LNPEP: variants seen among roughly 807,000 people sequenced by gnomAD.
LNPEP encodes the protein leucyl-cystinyl aminopeptidase.
A neutral mutation model predicts 120.6 loss-of-function variants in LNPEP; 64 were observed. The observed-to-expected ratio is 0.53, with a 90% confidence interval of 0.43 to 0.65. The LOEUF is 0.65. Among genes scored for constraint, LNPEP ranks in the 30% least tolerant of loss-of-function variants. The pLI is 0.00. For synonymous variants in LNPEP, 435 were observed against 425.4 expected, an observed-to-expected ratio of 1.02 and a Z score of -0.28; for missense variants, 1,057 against 1,200.0, an observed-to-expected ratio of 0.88 and a Z score of 1.76.
chr5:97,014,609 A>G (rs1327792201), intron 12 of LNPEP, among the ~76,000 whole-genome samples: 2 of 152,182 alleles, frequency 1.3e-5, no homozygotes, highest in Admixed American at 6.6e-5. Flanking sequence ...CCTGGCAAAT[A>G]TAACTAATTA....
intron 1 of LNPEP, among the ~76,000 whole-genome samples, chr5:96,953,678 G>A (rs567561687): frequency 6.6e-6 from 1 of 152,140 alleles, no homozygotes; most frequent in African/African-American, 2.4e-5. Flanking sequence ...ATTTTCATGT[G>A]TTATCTTGGC....
At chr5:97,000,862 C>G (rs774488855) in intron 8 of LNPEP, among the ~76,000 whole-genome samples, 3 of 152,084 alleles carry the variant, frequency 2.0e-5, no homozygotes, top group Non-Finnish European at 4.4e-5. Flanking sequence ...TGGGGACCCC[C>G]ACATGAGATA....
intron 4 of LNPEP, among the ~76,000 whole-genome samples, chr5:96,987,954 A>G (rs1322378803): frequency 6.6e-6 from 1 of 152,230 alleles, no homozygotes; most frequent in African/African-American, 2.4e-5. Context: ...GCTGAATACT[A>G]CGTTCTCCAT....
chr5:97,015,091 T>C lies in LNPEP; in HGVS notation c.2372T>C (p.Leu791Pro). Reference protein sequence around the residue: ...KLGYMDLASRLVTRVFKLLQN... With the variant: ...KLGYMDLASRPVTRVFKLLQN... ...GGATACATGGATCTGGCCTCAAGAC[T>C]GGTGGTAAGTCTGCCTTTTTGCCAG... The change falls in exon 13 of 18, where the codon CTG (leucine) becomes CCG (proline). Residue 791 changes from leucine (L) to proline (P), a missense_variant. Coordinates refer to ENST00000231368, the MANE Select transcript of LNPEP (RefSeq NM_005575.3). The C allele has an allele frequency of 6.5e-7, 1 of 1,546,478 alleles. No homozygotes were observed. Among genetic ancestry groups the C allele is most frequent in the Non-Finnish European group, 8.7e-7 (1 of 1,150,228 alleles).
chr5:97,013,631 T>A lies in LNPEP; in HGVS notation c.2036-17T>A, dbSNP rs781356811. ...TTGTCTTCTCTCTCAATCTCTCATT[T>A]TTTTGGTTTCCATTAGGTGTCATCA... On this transcript the variant is annotated splice_polypyrimidine_tract_variant and intron_variant, in intron 11 of 17. Coordinates refer to ENST00000231368, the MANE Select transcript of LNPEP (RefSeq NM_005575.3). 2.8e-6 allele frequency: 4 copies of A among 1,409,220 alleles called. No homozygotes were observed. The highest frequency in any genetic ancestry group is 3.8e-6 in the Non-Finnish European group (4 of 1,065,046). 87.3% of individuals were successfully genotyped at this position (1,409,220 alleles called of 1,614,324 possible).
chr5:96,949,862 A>G (rs1789283631), intron 1 of LNPEP, among the ~76,000 whole-genome samples: 1 of 151,858 alleles, frequency 6.6e-6, no homozygotes, highest in Non-Finnish European at 1.5e-5. Context: ...AACATTTAAC[A>G]GTTTTGTTTG....
intron 11 of LNPEP, among the ~76,000 whole-genome samples, chr5:97,009,154 C>T (rs1170265910): frequency 1.3e-5 from 2 of 152,172 alleles, no homozygotes; most frequent in Admixed American, 6.5e-5. Context: ...TATTTTCTCT[C>T]CTTAAGGAAC....
At chr5:96,988,339 C>CTTTTTTT (rs201343272) in intron 4 of LNPEP, among the ~76,000 whole-genome samples, 33 of 125,224 alleles carry the variant, frequency 2.6e-4, no homozygotes, top group African/African-American at 4.0e-4. Flanking sequence ...TTTTTCTTTT[C>CTTTTTTT]TTTTTTTTTT....
chr5:96,978,840 G>T (rs1244831491), intron 1 of LNPEP, among the ~76,000 whole-genome samples: 1 of 152,178 alleles, frequency 6.6e-6, no homozygotes, highest in East Asian at 1.9e-4. Flanking sequence ...TGTGGGGCAG[G>T]AGTATATTAA....
At position 96,979,292 on chromosome 5, in the gene LNPEP, T is replaced by G. The variant is rs376381080; in HGVS notation, c.174T>G (p.Leu58=). 6 of 1,613,822 alleles carry G rather than the reference T, an allele frequency of 3.7e-6. No individual in the cohort carries two copies. In the African/African-American group the frequency reaches 8.0e-5, roughly 22 times the overall value. The change falls in exon 2 of 18, where the codon CTT becomes CTG. Residue 58 remains leucine, a synonymous_variant. Transcript: ENST00000231368. The part of the protein sequence containing the change: ...PRGSRLLVRG[L]GEHEMEEDEE... ...GTTCCCGACTGCTGGTGCGGGGTCT[T>G]GGTGAGCATGAGATGGAGGAGGATG...
chr5:96,968,259 G>A (rs1789774972), intron 1 of LNPEP, among the ~76,000 whole-genome samples: 1 of 151,972 alleles, frequency 6.6e-6, no homozygotes, highest in Admixed American at 6.6e-5. Flanking sequence ...GATACTGGCA[G>A]GGCAACCAGC....
rs372486913 is a variant in LNPEP, at chr5:97,026,650, C to G, written c.2757C>G (p.Phe919Leu). The change falls in exon 16 of 18, where the codon TTC (phenylalanine) becomes TTG (leucine). Residue 919 changes from phenylalanine to leucine, a missense_variant. Phe to Leu is a conservative substitution (Grantham distance 22). Transcript: ENST00000231368. ...AAAGTAGCCTGAATGGAGATAACTT[C>G]CGAACACAGAAGCTGTCTTTTATCA... is the stretch of plus-strand genomic sequence containing the variant. ...LMKSSLNGDNFRTQKLSFIIR... is the reference protein window; with the variant it reads ...LMKSSLNGDNLRTQKLSFIIR... The G allele has an allele frequency of 2.2e-5, 36 of 1,613,214 alleles. No individual in the cohort carries two copies. Among genetic ancestry groups the G allele is most frequent in the Non-Finnish European group, 2.9e-5 (34 of 1,179,342 alleles).
intron 2 of LNPEP, 129 bp downstream of exon 2, chr5:96,980,107 T>A: frequency 1.2e-6 from 1 of 819,236 alleles, no homozygotes; most frequent in Non-Finnish European, 1.9e-6. Flanking sequence ...TACAAAATAG[T>A]AGAATGGTGA....
chr5:97,020,398 A>C (rs757088781), intron 13 of LNPEP, among the ~76,000 whole-genome samples: 1 of 152,170 alleles, frequency 6.6e-6, no homozygotes, highest in African/African-American at 2.4e-5. Flanking sequence ...GGTGGAGGTA[A>C]AGAAGTACCA....
chr5:96,985,182 G>A lies in LNPEP; in HGVS notation c.963G>A (p.Arg321=), dbSNP rs573270904. Residue 321 remains arginine (R), a synonymous_variant, in exon 3 of 18, where the codon AGG becomes AGA. Transcript: ENST00000231368. ...CCACTTTTATCATCAAGATCATAAG[G>A]GATGAGCAATACACCGCTTTATCAA... ...FKATFIIKII[R]DEQYTALSNM... is the part of the protein sequence containing the mutation. 10 of 1,613,754 alleles carry A rather than the reference G, an allele frequency of 6.2e-6. No individual in the cohort carries two copies. In the East Asian group the frequency reaches 8.9e-5, roughly 14 times the overall value.
intron 9 of LNPEP, among the ~76,000 whole-genome samples, chr5:97,004,574 C>T (rs1790734526): frequency 6.6e-6 from 1 of 151,854 alleles, no homozygotes; most frequent in African/African-American, 2.4e-5. Context: ...AAGTTCTGGC[C>T]ATATTACTCA....
chr5:97,015,633 T>C (rs1324002535), intron 13 of LNPEP, among the ~76,000 whole-genome samples: 1 of 152,148 alleles, frequency 6.6e-6, no homozygotes, highest in Non-Finnish European at 1.5e-5. Context: ...AGTTGTTATT[T>C]TGGATACTTT....
At chr5:96,953,371 G>C (rs1004322067) in intron 1 of LNPEP, among the ~76,000 whole-genome samples, 10 of 152,182 alleles carry the variant, frequency 6.6e-5, no homozygotes, top group African/African-American at 9.7e-5. Context: ...GTCTTTTATT[G>C]TGTCCTTTTC....
rs1333013181 is a variant in LNPEP, at chr5:97,037,413, T to C, written c.*8880T>C. ...GGCTTATTTTTCTTTATATTTCTGA[T>C]AACTTGTTTTGCATATGACCAGCAC... is the stretch of plus-strand genomic sequence containing the variant. On this transcript the variant is annotated 3_prime_UTR_variant, in exon 18 of 18. Transcript: ENST00000231368. The C allele has an allele frequency of 5.3e-5, 8 of 152,206 alleles. No homozygotes were observed. The allele number at this position is 152,206 out of a possible 1,614,324, so 9.4% of individuals were successfully genotyped here.
Sources: gnomAD v4.1 joint callset for allele counts (sites outside exome capture counted in the v4.1 genomes callset) on GRCh38, gnomAD v4.1.1 for gene constraint, MANE v1.5 for transcripts, NCBI Gene and HGNC (gene_info 2026-07-23, HGNC 2026-07-21) for gene names.